The following SGK3 variants were observed in gnomAD, a reference collection of about 807,000 sequenced individuals.
The protein encoded by SGK3 is serine/threonine-protein kinase Sgk3.
In SGK3, 47 loss-of-function variants were observed where a neutral mutation model predicts 68.5. The ratio of observed to expected loss-of-function variants is 0.69; its 90% CI spans 0.54 to 0.87. The LOEUF (loss-of-function observed/expected upper bound fraction) is 0.87. Among genes scored for constraint, SGK3 ranks in the 40% least tolerant of loss-of-function variants. The pLI, the probability that SGK3 is intolerant of heterozygous loss-of-function variation, is 0.00. For missense variants in SGK3, 479 were observed against 575.5 expected (o/e 0.83, Z 1.72); for synonymous variants, 181 against 189.1 (o/e 0.96, Z 0.35).
At chr8:66,751,399 T>C (rs970522222) in intron 1 of SGK3, among the ~76,000 whole-genome samples, 1 of 152,232 alleles carries the variant, frequency 6.6e-6, no homozygotes, top group Non-Finnish European at 1.5e-5. Context: ...TCATTTGTTA[T>C]GAGCTTCTTA....
rs769246765 is a variant in SGK3 at position 66,860,378 on chromosome 8, C to G, written c.*797C>G. The G allele has an allele frequency of 1.3e-5, 2 of 152,182 alleles. No homozygotes were observed. The allele number at this position is 152,182 out of a possible 1,614,324, so 9.4% of individuals were successfully genotyped here. ...CTAAGGCAGGAGAATCGCTTGAACC[C>G]GGGAGGCGGAGGTTGCAGTGAGCCG... On this transcript the variant is annotated 3_prime_UTR_variant, in exon 17 of 17. Transcript: ENST00000521198.
At chr8:66,794,720 AG>A (rs1250861714) in intron 2 of SGK3, among the ~76,000 whole-genome samples, 7 of 152,088 alleles carry the variant, frequency 4.6e-5, no homozygotes, top group African/African-American at 1.7e-4. Context: ...ATGGGAGGAG[AG>A]GTGTCCCCTT....
intron 1 of SGK3, among the ~76,000 whole-genome samples, chr8:66,773,880 C>A (rs1282013102): frequency 6.6e-6 from 1 of 151,696 alleles, no homozygotes; most frequent in Non-Finnish European, 1.5e-5. Context: ...GACTGTTGGT[C>A]AAAAAAAGAA....
In SGK3 at chr8:66,730,680, A is replaced by C. The variant is rs186283554; in HGVS notation, c.-122+17847A>C. On this transcript the variant is annotated intron_variant, in intron 1 of 16. Coordinates refer to ENST00000521198, the MANE Select transcript of SGK3 (RefSeq NM_001033578.3). ...TTGCATGTGTATATCCAGTTGTCTC[A>C]GCACTGTTTTTTGTTTGTTTGTTTG... is the stretch of plus-strand genomic sequence containing the variant. Among the ~76,000 whole-genome samples the C allele has an allele frequency of 1.3e-4, 19 of 149,250 alleles. 1 individual carries two copies. The East Asian group carries it at 3.7e-3, about 29-fold the overall frequency.
chr8:66,852,199 A>T (rs1175265444), intron 16 of SGK3, among the ~76,000 whole-genome samples: 1 of 150,410 alleles, frequency 6.6e-6, no homozygotes, highest in Non-Finnish European at 1.5e-5. Flanking sequence ...GCCAAGACTG[A>T]TTTGGAGTTT....
intron 1 of SGK3, among the ~76,000 whole-genome samples, chr8:66,788,795 G>GT (rs1187783461): frequency 2.0e-5 from 3 of 152,156 alleles, no homozygotes; most frequent in African/African-American, 4.8e-5. Flanking sequence ...ACTTTCATGA[G>GT]TTTTTTTCCA....
chr8:66,753,547 A>G (rs3929419), intron 1 of SGK3, among the ~76,000 whole-genome samples: 19,542 of 152,194 alleles, frequency 0.13, 2,383 homozygotes, highest in African/African-American at 0.32. Flanking sequence ...AATATGGGCC[A>G]GGCACGGTGG....
chr8:66,744,716 G>A (rs1047169338), intron 1 of SGK3, among the ~76,000 whole-genome samples: 8 of 150,496 alleles, frequency 5.3e-5, no homozygotes, highest in African/African-American at 1.9e-4. Flanking sequence ...ATGTTGGCCA[G>A]GCTGGTCTTG....
intron 10 of SGK3, among the ~76,000 whole-genome samples, chr8:66,837,762 TGACA>T (rs1809597508): frequency 6.6e-6 from 1 of 152,012 alleles, no homozygotes; most frequent in Non-Finnish European, 1.5e-5. Context: ...CCAGCCTGGG[TGACA>T]GAACAAGACC....
chr8:66,784,519 A>G (rs1807121394), intron 1 of SGK3, among the ~76,000 whole-genome samples: 1 of 152,216 alleles, frequency 6.6e-6, no homozygotes, highest in Non-Finnish European at 1.5e-5. Context: ...TGATGGGTTA[A>G]GGAAGTAGGG....
intron 13 of SGK3, among the ~76,000 whole-genome samples, chr8:66,842,095 G>A (rs1388888681): frequency 2.0e-5 from 3 of 151,790 alleles, no homozygotes; most frequent in Admixed American, 6.6e-5. Context: ...TCTTTTTTCT[G>A]TCTAACCCTA....
intron 1 of SGK3, among the ~76,000 whole-genome samples, chr8:66,788,246 C>G (rs148281705): frequency 6.5e-4 from 99 of 152,272 alleles, no homozygotes; most frequent in African/African-American, 2.1e-3. Flanking sequence ...TTTTACTGTA[C>G]CAAGTGGATT....
At chr8:66,757,646 G>A (rs2130449728) in intron 1 of SGK3, among the ~76,000 whole-genome samples, 1 of 151,968 alleles carries the variant, frequency 6.6e-6, no homozygotes, top group African/African-American at 2.4e-5. Flanking sequence ...CAGGTGCAGT[G>A]GCTCACACCT....
chr8:66,785,146 A>G (rs1807148189), intron 1 of SGK3, among the ~76,000 whole-genome samples: 1 of 152,246 alleles, frequency 6.6e-6, no homozygotes, highest in Admixed American at 6.5e-5. Flanking sequence ...TCTGTAACGC[A>G]GTTGCCTGGT....
chr8:66,811,458 A>T (rs1333373275), intron 4 of SGK3, among the ~76,000 whole-genome samples: 2 of 152,218 alleles, frequency 1.3e-5, no homozygotes, highest in South Asian at 4.1e-4. Context: ...CTTGGCACTT[A>T]TCCTATACAT....
chr8:66,768,858 C>T (rs1452266314), intron 1 of SGK3, among the ~76,000 whole-genome samples: 1 of 152,178 alleles, frequency 6.6e-6, no homozygotes, highest in Non-Finnish European at 1.5e-5. Flanking sequence ...CAGACATGAG[C>T]CACTGTGCCC....
intron 16 of SGK3, among the ~76,000 whole-genome samples, chr8:66,856,491 A>G (rs1233289108): frequency 6.6e-6 from 1 of 152,222 alleles, no homozygotes; most frequent in African/African-American, 2.4e-5. Context: ...CTGATTGAGC[A>G]TCCCATATCT....
At chr8:66,773,082 T>G (rs369521066) in intron 1 of SGK3, among the ~76,000 whole-genome samples, 18 of 152,190 alleles carry the variant, frequency 1.2e-4, no homozygotes, top group Admixed American at 7.9e-4. Flanking sequence ...AAGAGGGTAT[T>G]CCAGCTAGGA....
chr8:66,810,539 A>G (rs1416168830), intron 4 of SGK3, among the ~76,000 whole-genome samples: 1 of 152,142 alleles, frequency 6.6e-6, no homozygotes, highest in Admixed American at 6.5e-5. Flanking sequence ...CGTCTCTACT[A>G]AAAATACAAA....
Sources: gnomAD v4.1 joint callset for allele counts (sites outside exome capture counted in the v4.1 genomes callset) on GRCh38, gnomAD v4.1.1 for gene constraint, MANE v1.5 for transcripts, NCBI Gene and HGNC (gene_info 2026-07-23, HGNC 2026-07-21) for gene names.